The following CUX1 variants were observed in gnomAD, a reference collection of about 807,000 sequenced individuals.
CUX1 encodes cut like homeobox 1.
Under a neutral mutation model 158.8 loss-of-function variants are expected in CUX1, and 31 were observed. The ratio of observed to expected loss-of-function variants is 0.20; its 90% CI spans 0.15 to 0.26. The LOEUF is 0.26. CUX1 is among the 10% of genes least tolerant of loss of function. The pLI, the probability that CUX1 is intolerant of heterozygous loss-of-function variation, is 1.00. For synonymous variants in CUX1, 879 were observed against 862.1 expected (o/e 1.02, Z -0.34); for missense variants, 1,589 against 2,014.6 (o/e 0.79, Z 4.04).
intron 2 of CUX1, among the ~76,000 whole-genome samples, chr7:102,014,612 C>T (rs1461851552): frequency 1.3e-5 from 2 of 152,076 alleles, no homozygotes; most frequent in Non-Finnish European, 2.9e-5. Context: ...GGCCAGGAAG[C>T]CTTTCTTTGC....
At chr7:102,191,999 G>A (rs572046739) in intron 12 of CUX1, among the ~76,000 whole-genome samples, 47 of 152,262 alleles carry the variant, frequency 3.1e-4, no homozygotes, top group African/African-American at 1.0e-3. Flanking sequence ...TTTCTGTTGC[G>A]TCCGCACATG....
chr7:102,162,583 C>A (rs1369303788), intron 9 of CUX1, among the ~76,000 whole-genome samples: 1 of 152,060 alleles, frequency 6.6e-6, no homozygotes, highest in Admixed American at 6.6e-5. Context: ...GGCTAATTTT[C>A]TTATTTTTAG....
At chr7:101,940,242 GAAA>G (rs61429755) in intron 2 of CUX1, among the ~76,000 whole-genome samples, 1 of 140,332 alleles carries the variant, frequency 7.1e-6, no homozygotes. Context: ...CCTGTCTCAG[GAAA>G]AAAAAAAAAA....
chr7:101,943,787 A>G (rs1401656186), intron 2 of CUX1, among the ~76,000 whole-genome samples: 1 of 151,866 alleles, frequency 6.6e-6, no homozygotes, highest in Non-Finnish European at 1.5e-5. Flanking sequence ...TACCCAGCAC[A>G]CTACCTGCCA....
At position 101,819,374 on chromosome 7, in the gene CUX1, A is replaced by G. The variant is rs115136175; in HGVS notation, c.30+1705A>G. Among the ~76,000 whole-genome samples, 1,188 of 152,352 alleles carry G rather than the reference A, an allele frequency of 7.8e-3. 11 individuals carry two copies. The highest frequency in any genetic ancestry group is 0.027 in the African/African-American group (1,142 of 41,584). Reference sequence around the variant, plus strand: ...GAACTCTTTGGGACGGGGCCCGCCAATGACTGCCTTCCCTTTGGGACATTA... The same window carrying G: ...GAACTCTTTGGGACGGGGCCCGCCAGTGACTGCCTTCCCTTTGGGACATTA... On this transcript the variant is annotated intron_variant, in intron 1 of 23. Transcript: ENST00000292535.
At position 102,247,223 on chromosome 7, in the gene CUX1, AAAG is replaced by A. The variant is rs1303288423; in HGVS notation, c.3888-1186_3888-1184del. 6.8e-4 allele frequency among the ~76,000 whole-genome samples: 88 copies of A among 129,724 alleles called. 1 individual carries two copies. The South Asian group carries it at 0.018, about 27-fold the overall frequency. 85.1% of individuals were successfully genotyped at this position (129,724 alleles called of 152,430 possible). On this transcript the variant is annotated intron_variant, in intron 23 of 23. Transcript: ENST00000292535. ...TAAAATAAGGAAAGGAAAAAAAAAA[AAAG>A]AAAGAAAAAATACAGAATTTGGTGG...
chr7:101,953,363 G>C (rs1424822749), intron 2 of CUX1, among the ~76,000 whole-genome samples: 1 of 152,170 alleles, frequency 6.6e-6, no homozygotes, highest in Non-Finnish European at 1.5e-5. Context: ...ATAATTGGTG[G>C]CTTCTTGGAG....
intron 14 of CUX1, among the ~76,000 whole-genome samples, chr7:102,266,219 AAG>A (rs35439464): frequency 3.2e-4 from 47 of 147,696 alleles, no homozygotes; most frequent in East Asian, 9.9e-4. Flanking sequence ...AAAAAAAAAA[AAG>A]AGAGAGAGAG....
Position 102,239,471 on chromosome 7 carries a change from G to T in CUX1, c.3774G>T (p.Ala1258=). Residue 1258 remains alanine, a synonymous_variant, in exon 23 of 24, where the codon GCG becomes GCT. Transcript: ENST00000292535. ...TGCTGGCTCCGGAGGAGAAGGAGGC[G>T]CTGAAACGAGCGTATCAGCAAAAGC... ...RVVLAPEEKE[A]LKRAYQQKPY... 6.2e-7 allele frequency: 1 copy of T among 1,614,090 alleles called. No individual in the cohort carries two copies. The highest frequency in any genetic ancestry group is 8.5e-7 in the Non-Finnish European group (1 of 1,179,972).
At chr7:101,926,277 A>C (rs774766549) in intron 2 of CUX1, among the ~76,000 whole-genome samples, 3 of 152,196 alleles carry the variant, frequency 2.0e-5, no homozygotes, top group Non-Finnish European at 4.4e-5. Context: ...TTACCAATTA[A>C]ACCCTTTAAG....
At chr7:101,897,258 G>A (rs749935820) in intron 1 of CUX1, among the ~76,000 whole-genome samples, 1 of 152,148 alleles carries the variant, frequency 6.6e-6, no homozygotes, top group Non-Finnish European at 1.5e-5. Flanking sequence ...TGACATCCTC[G>A]AAGGCTCAGC....
intron 8 of CUX1, among the ~76,000 whole-genome samples, chr7:102,124,639 AAGAAGAATGGTGGTTACC>A (rs1404424633): frequency 6.6e-6 from 1 of 152,224 alleles, no homozygotes; most frequent in Admixed American, 6.5e-5. Context: ...CATAAAAGTT[AAGAAGAATGGTGGTTACC>A]AGGGGGTGAG....
intron 23 of CUX1, among the ~76,000 whole-genome samples, chr7:102,247,038 A>G (rs1488267875): frequency 1.3e-5 from 2 of 152,052 alleles, no homozygotes; most frequent in African/African-American, 4.8e-5. Flanking sequence ...TCTCTACAAT[A>G]TTTTAAAAAT....
chr7:101,823,182 C>T (rs777355940), intron 1 of CUX1, among the ~76,000 whole-genome samples: 13 of 152,102 alleles, frequency 8.5e-5, no homozygotes, highest in African/African-American at 1.2e-4. Context: ...CAAAGTTCGT[C>T]GCCCAATCCC....
rs910073556 is a variant in CUX1 at position 102,275,189 on chromosome 7, G to A, written c.1451-58G>A. On this transcript the variant is annotated intron_variant, in intron 16 of 22. Coordinates refer to the CUX1 transcript ENST00000292538. ...AGGGCTGGGGGACCCACCCCAAAGG[G>A]CCGCCTGCTGGGTTCCACCTCCTGC... is the stretch of plus-strand genomic sequence containing the variant. 2.2e-6 allele frequency: 3 copies of A among 1,340,986 alleles called. No individual in the cohort carries two copies. The African/African-American group carries it at 4.4e-5, about 20-fold the overall frequency. The allele number at this position is 1,340,986 out of a possible 1,614,324, so 83.1% of individuals were successfully genotyped here. A position where few individuals can be genotyped will look rare whatever the true frequency, so the allele number is the denominator to read the frequency against.
At chr7:101,821,084 A>G (rs1792422435) in intron 1 of CUX1, among the ~76,000 whole-genome samples, 1 of 152,172 alleles carries the variant, frequency 6.6e-6, no homozygotes, top group East Asian at 1.9e-4. Flanking sequence ...ATCTAATGGT[A>G]TAGTTAGACA....
intron 8 of CUX1, among the ~76,000 whole-genome samples, chr7:102,120,382 C>T (rs371213068): frequency 2.0e-5 from 3 of 152,186 alleles, no homozygotes; most frequent in African/African-American, 4.8e-5. Flanking sequence ...AATATTGAAT[C>T]GCACTGAAAT....
intron 20 of CUX1, among the ~76,000 whole-genome samples, chr7:102,216,638 C>A (rs1797172695): frequency 8.1e-6 from 1 of 123,974 alleles, no homozygotes; most frequent in Non-Finnish European, 1.7e-5. Flanking sequence ...CACCCCCACA[C>A]ACGCACACAC....
At chr7:101,917,237 C>T (rs1386697984) in intron 2 of CUX1, among the ~76,000 whole-genome samples, 1 of 152,260 alleles carries the variant, frequency 6.6e-6, no homozygotes, top group African/African-American at 2.4e-5. Flanking sequence ...ATGTGAATTG[C>T]ATTTTTAAAA....
Sources: allele counts gnomAD v4.1 joint callset (sites outside exome capture counted in the v4.1 genomes callset), GRCh38; gene constraint gnomAD v4.1.1; transcripts MANE v1.5; gene names NCBI Gene and HGNC (gene_info 2026-07-23, HGNC 2026-07-21).